Variants in BCR observed in about 807,000 individuals in gnomAD.
BCR encodes breakpoint cluster region protein.
In BCR, 58 loss-of-function variants were observed where a neutral mutation model predicts 138.6. The ratio of observed to expected loss-of-function variants is 0.42; its 90% CI spans 0.34 to 0.52. BCR has a LOEUF of 0.52. Among genes scored for constraint, BCR ranks in the 20% least tolerant of loss-of-function variants. BCR has a pLI of 0.06. For synonymous variants in BCR, 786 were observed against 730.1 expected, an observed-to-expected ratio of 1.08 and a Z score of -1.23; for missense variants, 1,599 against 1,727.2, an observed-to-expected ratio of 0.93 and a Z score of 1.32.
At chr22:23,182,694 C>T (rs2072287740) in intron 1 of BCR, among the ~76,000 whole-genome samples, 1 of 152,186 alleles carries the variant, frequency 6.6e-6, no homozygotes, top group Admixed American at 6.5e-5. Context: ...CCCCACTGAT[C>T]CTGTTCTGGA....
chr22:23,207,983 C>T (rs1445595162), intron 1 of BCR, among the ~76,000 whole-genome samples: 1 of 152,206 alleles, frequency 6.6e-6, no homozygotes, highest in Non-Finnish European at 1.5e-5. Flanking sequence ...CCCGGCTGCC[C>T]TGGCTGAGGC....
Position 23,215,399 on chromosome 22 carries a change from G to A in BCR, c.1279+33160G>A, listed in dbSNP as rs149578208. 3.3e-5 allele frequency among the ~76,000 whole-genome samples: 5 copies of A among 152,266 alleles called. No homozygotes were observed. In the East Asian group the frequency reaches 7.7e-4, roughly 24 times the overall value. On this transcript the variant is annotated intron_variant, in intron 1 of 22. Transcript: ENST00000305877. Reference sequence around the variant, plus strand: ...TAATGGGAGAGGGGAGAACCTTCCCGGTTCTCTTGAGTAACTACCATGATC... The same window carrying A: ...TAATGGGAGAGGGGAGAACCTTCCCAGTTCTCTTGAGTAACTACCATGATC...
intron 9 of BCR, 116 bp downstream of exon 9, chr22:23,284,214 A>G (rs2073683041): frequency 3.5e-6 from 5 of 1,432,164 alleles, no homozygotes; most frequent in Middle Eastern, 1.9e-4. Flanking sequence ...TTCCGTTTCT[A>G]CTTGGGCACA....
intron 1 of BCR, among the ~76,000 whole-genome samples, chr22:23,240,575 CA>C (rs969086172): frequency 6.6e-6 from 1 of 151,602 alleles, no homozygotes; most frequent in African/African-American, 2.4e-5. Context: ...GGCGTGAACC[CA>C]GGAGGCGGAG....
rs148108589 is a variant in BCR at position 23,212,939 on chromosome 22, C to T, written c.1279+30700C>T. ...GCAGAAAACTTGGCAATGTGAGGGA[C>T]GGCAGCTTTAACTTGATTCCTGGGA... On this transcript the variant is annotated intron_variant, in intron 1 of 22. Transcript: ENST00000305877. Among the ~76,000 whole-genome samples the T allele has an allele frequency of 2.3e-4, 35 of 152,306 alleles. No individual in the cohort carries two copies. The East Asian group carries it at 6.2e-3, about 27-fold the overall frequency.
chr22:23,245,641 A>G (rs1230486573), intron 1 of BCR, among the ~76,000 whole-genome samples: 1 of 151,998 alleles, frequency 6.6e-6, no homozygotes, highest in Non-Finnish European at 1.5e-5. Context: ...TAGAGAAACC[A>G]CCAGAACCAA....
In BCR at chr22:23,181,865, C is replaced by T. The variant is rs200084988; in HGVS notation, c.905C>T (p.Thr302Ile). 6.2e-7 allele frequency: 1 copy of T among 1,613,012 alleles called. No homozygotes were observed. The highest frequency in any genetic ancestry group is 1.3e-5 in the African/African-American group (1 of 74,944). ...GGCCCGCTCCTGCGCAGCCAGAGCA[C>T]CTCTGAGCAGGAGAAGCGCCTTACC... ...GKGPLLRSQS[T>I]SEQEKRLTWP... Residue 302 changes from threonine to isoleucine, a missense_variant, in exon 1 of 23, where the codon ACC (threonine) becomes ATC (isoleucine). Physicochemically the swap from Thr to Ile is moderately conservative, Grantham distance 89. Around this residue, in one of 4 missense-constraint regions of BCR, gnomAD observed 806 missense variants for 635.0 expected, o/e 1.27. Coordinates refer to ENST00000305877, the MANE Select transcript of BCR (RefSeq NM_004327.4).
intron 16 of BCR, among the ~76,000 whole-genome samples, chr22:23,308,255 C>G (rs1035082159): frequency 6.6e-6 from 1 of 152,190 alleles, no homozygotes; most frequent in Admixed American, 6.5e-5. Context: ...AGGTCCCACT[C>G]AGATTATGAG....
At chr22:23,254,011 G>A (rs769690797) in intron 2 of BCR, 31 bp downstream of exon 2, 2 of 1,585,784 alleles carry the variant, frequency 1.3e-6, no homozygotes, top group South Asian at 1.1e-5. Flanking sequence ...TGTGGCAGGA[G>A]GGCCAGGTGA....
At chr22:23,283,898 C>T (rs2073678793) in intron 8 of BCR, 79 bp from the exon 9 acceptor site, 2 of 1,462,618 alleles carry the variant, frequency 1.4e-6, no homozygotes, top group Admixed American at 5.3e-5. Flanking sequence ...CAACCTGCTC[C>T]TGCTGGGCTG....
Position 23,182,154 on chromosome 22 carries a change from C to G in BCR, c.1194C>G (p.Val398=), listed in dbSNP as rs746120867. ...CHKRHRHCPV[V]VSEATIVGVR... ...AGCGGCACCGGCACTGCCCGGTTGT[C>G]GTGTCCGAGGCCACCATCGTGGGCG... Residue 398 remains valine (V), a synonymous_variant, in exon 1 of 23, where the codon GTC becomes GTG. Transcript: ENST00000305877. The G allele has an allele frequency of 3.7e-6, 6 of 1,608,642 alleles. No homozygotes were observed. The highest frequency in any genetic ancestry group is 3.3e-5 in the Admixed American group (2 of 59,942).
At chr22:23,243,926 G>A (rs898570002) in intron 1 of BCR, among the ~76,000 whole-genome samples, 1 of 152,158 alleles carries the variant, frequency 6.6e-6, no homozygotes, top group Admixed American at 6.5e-5. Flanking sequence ...ACAGGCATGA[G>A]CCACCGTGCC....
At chr22:23,218,512 C>A (rs2072783195) in intron 1 of BCR, among the ~76,000 whole-genome samples, 1 of 152,218 alleles carries the variant, frequency 6.6e-6, no homozygotes, top group South Asian at 2.1e-4. Flanking sequence ...AGCTGGGAAG[C>A]CACCACCTCA....
intron 3 of BCR, 90 bp from the exon 4 acceptor site, chr22:23,261,265 C>G (rs752454484): frequency 3.5e-5 from 49 of 1,400,014 alleles, no homozygotes; most frequent in Non-Finnish European, 4.8e-5. Flanking sequence ...GTGCATATGT[C>G]AGGTAACCAT....
chr22:23,273,184 C>T (rs1359435114), intron 7 of BCR, 51 bp downstream of exon 7: 2 of 1,571,990 alleles, frequency 1.3e-6, no homozygotes. Flanking sequence ...CCCTCGGGCA[C>T]ACACAGCAAC....
intron 9 of BCR, 122 bp downstream of exon 9, chr22:23,284,220 G>T: frequency 7.1e-7 from 1 of 1,399,476 alleles, no homozygotes; most frequent in East Asian, 2.5e-5. Context: ...TTCTACTTGG[G>T]CACAATGCCA....
chr22:23,268,571 C>T, intron 5 of BCR, 56 bp downstream of exon 5: 1 of 1,416,598 alleles, frequency 7.1e-7, no homozygotes, highest in African/African-American at 1.4e-5. Context: ...CTGTACCCTC[C>T]ACCTCCCGAG....
intron 1 of BCR, among the ~76,000 whole-genome samples, chr22:23,211,629 C>T (rs1279220427): frequency 2.6e-5 from 4 of 152,040 alleles, no homozygotes; most frequent in Non-Finnish European, 5.9e-5. Context: ...GGATTACAGG[C>T]GCCCACCACC....
At chr22:23,300,453 G>A (rs1186822814) in intron 16 of BCR, among the ~76,000 whole-genome samples, 4 of 152,208 alleles carry the variant, frequency 2.6e-5, no homozygotes, top group South Asian at 2.1e-4. Flanking sequence ...GCAGGTGGAC[G>A]CCTGGGTTCT....
Sources: gnomAD v4.1 joint callset for allele counts (sites outside exome capture counted in the v4.1 genomes callset) on GRCh38, gnomAD v4.1.1 for gene constraint, gnomAD v4.1.1 regional missense constraint, MANE v1.5 for transcripts, NCBI Gene and HGNC (gene_info 2026-07-23, HGNC 2026-07-21) for gene names.